FLRT3: variants seen among roughly 807,000 people sequenced by gnomAD.
FLRT3 encodes fibronectin leucine rich transmembrane protein 3.
In FLRT3, 17 loss-of-function variants were observed where a neutral mutation model predicts 42.6. The observed-to-expected ratio is 0.40, with a 90% CI of 0.27 to 0.60. The LOEUF (loss-of-function observed/expected upper bound fraction) is 0.60. FLRT3 is among the 20% of genes least tolerant of loss of function. The pLI, the probability that FLRT3 is intolerant of heterozygous loss-of-function variation, is 0.44. For synonymous variants in FLRT3, 279 were observed against 286.4 expected (o/e 0.97, Z 0.26); for missense variants, 635 against 789.2 (o/e 0.80, Z 2.34).
rs999687366 is a variant in FLRT3, at chr20:14,324,456, A to G, written c.*1101T>C. The G allele has an allele frequency of 1.3e-5, 2 of 152,614 alleles. No individual in the cohort carries two copies. The highest frequency in any genetic ancestry group is 2.9e-5 in the Non-Finnish European group (2 of 68,018). The allele number at this position is 152,614 out of a possible 1,614,324, so 9.5% of individuals were successfully genotyped here. ...GTATTCTTGATCTTTGTAAAAGTAA[A>G]TTGAACATTTATGTACAGTGTTAAA... On this transcript the variant is annotated 3_prime_UTR_variant, in exon 3 of 3. Coordinates refer to ENST00000341420, the MANE Select transcript of FLRT3 (RefSeq NM_198391.3).
Position 14,327,439 on chromosome 20 carries a change from G to C in FLRT3, c.68C>G (p.Pro23Arg), listed in dbSNP as rs761824251. The C allele has an allele frequency of 5.6e-6, 9 of 1,613,508 alleles. No individual in the cohort carries two copies. The highest frequency in any genetic ancestry group is 1.1e-5 in the South Asian group (1 of 91,072). The change falls in exon 3 of 3, where the codon CCT becomes CGT. Residue 23 changes from proline (P) to arginine (R), a missense_variant. By Grantham distance (103) the Pro-to-Arg change is moderately radical. Transcript: ENST00000341420. ...ACAGGATTTAGCCATAACTGATAGA[G>C]GTGCTACTTGAAGGAACAGCCCAAT... ...TKIGLFLQVAPLSVMAKSCPS... is the reference protein window; with the variant it reads ...TKIGLFLQVARLSVMAKSCPS...
At chr20:14,335,777 C>G (rs539569429) in intron 1 of FLRT3, among the ~76,000 whole-genome samples, 3 of 152,152 alleles carry the variant, frequency 2.0e-5, no homozygotes, top group Non-Finnish European at 4.4e-5. Context: ...TTGTGCTCTT[C>G]AAAAAATCAA....
At chr20:14,333,309 C>T (rs1033443888) in intron 1 of FLRT3, among the ~76,000 whole-genome samples, 1 of 152,144 alleles carries the variant, frequency 6.6e-6, no homozygotes, top group African/African-American at 2.4e-5. Context: ...ACGTTTCTGA[C>T]AAATGAATCA....
chr20:14,331,505 C>T (rs1031384261), intron 1 of FLRT3, among the ~76,000 whole-genome samples: 1 of 152,060 alleles, frequency 6.6e-6, no homozygotes, highest in Admixed American at 6.6e-5. Flanking sequence ...ATTCTCTTCT[C>T]CCCACATTGT....
At chr20:14,333,287 A>T (rs2082876583) in intron 1 of FLRT3, among the ~76,000 whole-genome samples, 1 of 152,050 alleles carries the variant, frequency 6.6e-6, no homozygotes, top group Admixed American at 6.6e-5. Flanking sequence ...GTTACTGGTT[A>T]TTTTCCCCGG....
At position 14,326,609 on chromosome 20, in the gene FLRT3, GT is replaced by G; in HGVS notation, c.897del (p.Gln299HisfsTer2). 6.2e-7 allele frequency: 1 copy of G among 1,613,856 alleles called. No homozygotes were observed. The highest frequency in any genetic ancestry group is 8.5e-7 in the Non-Finnish European group (1 of 1,179,846). On this transcript the variant is annotated frameshift_variant, in exon 3 of 3. Transcript: ENST00000341420. LOFTEE classifies it high-confidence loss of function. This position sits in a 1 kb window ranked among gnomAD's most constrained non-coding sequence, Gnocchi z 5.5. ...GIFDDLDNIT[Q>X]LILRNNPWYC... ...TACCAGGGATTGTTGCGAAGAATCA[GT>G]TGTGTTATATTGTCCAAATCATCAA...
chr20:14,330,542 A>G lies in FLRT3; in HGVS notation c.-246-1215T>C, dbSNP rs1035595669. ...TTTGTGTTTCTGGTTCTCTCCAAAAATTCAGTTTCTTTTAGTTTGCTAACT... is the reference window on the plus strand; with the variant it reads ...TTTGTGTTTCTGGTTCTCTCCAAAAGTTCAGTTTCTTTTAGTTTGCTAACT... On this transcript the variant is annotated intron_variant, in intron 1 of 2. Coordinates refer to ENST00000341420, the MANE Select transcript of FLRT3 (RefSeq NM_198391.3). Among the ~76,000 whole-genome samples, 9 of 152,122 alleles carry G rather than the reference A, an allele frequency of 5.9e-5. 1 individual carries two copies. The highest frequency in any genetic ancestry group is 1.9e-4 in the African/African-American group (8 of 41,452).
rs370263202 is a variant in FLRT3, at chr20:14,334,054, C to G, written c.-247+3350G>C. 1.6e-3 allele frequency among the ~76,000 whole-genome samples: 251 copies of G among 152,308 alleles called. 2 individuals carry two copies. Among genetic ancestry groups the G allele is most frequent in the African/African-American group, 5.9e-3 (245 of 41,570 alleles). On this transcript the variant is annotated intron_variant, in intron 1 of 2. Coordinates refer to ENST00000341420, the MANE Select transcript of FLRT3 (RefSeq NM_198391.3). ...TAATACCTGCAGAAAGCTTTTTATA[C>G]ATCCCTGACACTTGATTTTAGGGTA...
intron 1 of FLRT3, among the ~76,000 whole-genome samples, chr20:14,334,957 G>A (rs2082910998): frequency 6.6e-6 from 1 of 152,026 alleles, no homozygotes; most frequent in East Asian, 1.9e-4. Flanking sequence ...TGACTGAAAT[G>A]GCAACTATAA....
chr20:14,330,042 G>GA (rs941715446), intron 1 of FLRT3, among the ~76,000 whole-genome samples: 24 of 150,510 alleles, frequency 1.6e-4, no homozygotes, highest in South Asian at 8.4e-4. Context: ...TACTGAGTTT[G>GA]AAAAAAAAAT....
intron 1 of FLRT3, among the ~76,000 whole-genome samples, chr20:14,336,536 A>T (rs1489264239): frequency 6.6e-6 from 1 of 152,012 alleles, no homozygotes; most frequent in Non-Finnish European, 1.5e-5. Flanking sequence ...CCAATATAAG[A>T]TTTTCCTATT....
At position 14,325,997 on chromosome 20, in the gene FLRT3, G is replaced by A. The variant is rs765524589; in HGVS notation, c.1510C>T (p.Leu504Phe). 5 of 1,613,936 alleles carry A rather than the reference G, an allele frequency of 3.1e-6. No individual in the cohort carries two copies. In the East Asian group the frequency reaches 6.7e-5, roughly 22 times the overall value. The change falls in exon 3 of 3, where the codon CTT (leucine) becomes TTT (phenylalanine). Residue 504 changes from leucine (L) to phenylalanine (F), a missense_variant. Leu to Phe is a conservative substitution (Grantham distance 22). Coordinates refer to ENST00000341420, the MANE Select transcript of FLRT3 (RefSeq NM_198391.3). ...PVCIETETAP[L>F]RMYNPTTTLN... ...GTGGTTGTAGGGTTGTACATTCGAA[G>A]GGGTGCAGTTTCAGTCTCAATACAA...
Position 14,326,496 on chromosome 20 carries a change from T to A in FLRT3, c.1011A>T (p.Pro337=). 6.2e-7 allele frequency: 1 copy of A among 1,613,884 alleles called. No homozygotes were observed. Among genetic ancestry groups the A allele is most frequent in the South Asian group, 1.1e-5 (1 of 91,078 alleles). ...VNVRGLMCQA[P]EKVRGMAIKD... ...TAATAGCCATCCCACGAACCTTTTC[T>A]GGGGCTTGGCACATGAGCCCACGCA... The change falls in exon 3 of 3, where the codon CCA becomes CCT. Residue 337 remains proline (P), a synonymous_variant. Coordinates refer to ENST00000341420, the MANE Select transcript of FLRT3 (RefSeq NM_198391.3). The surrounding 1 kb of genome is among the most constrained non-coding windows in gnomAD (Gnocchi z 5.5).
chr20:14,325,501 C>A lies in FLRT3; in HGVS notation c.*56G>T. 6.5e-7 allele frequency: 1 copy of A among 1,533,462 alleles called. No homozygotes were observed. The highest frequency in any genetic ancestry group is 8.8e-7 in the Non-Finnish European group (1 of 1,140,654). The allele number at this position is 1,533,462 out of a possible 1,614,324, so 95.0% of individuals were successfully genotyped here. A position where few individuals can be genotyped will look rare whatever the true frequency, so the allele number is the denominator to read the frequency against. On this transcript the variant is annotated 3_prime_UTR_variant, in exon 3 of 3. Transcript: ENST00000341420. ...TGCAGTAGAACAGGGTTCCTACCAT[C>A]ACCTCCCTTAGGTTTAAAAAACCCA...
rs949781283 is a variant in FLRT3, at chr20:14,337,585, C to T, written c.-428G>A. ...GATCACTCCTACACTGAGGAGTGAG[C>T]GAGGGAGAGCATTCCAGTTTACTGC... On this transcript the variant is annotated 5_prime_UTR_variant, in exon 1 of 3. Transcript: ENST00000341420. The T allele has an allele frequency of 3.5e-5, 14 of 398,356 alleles. No homozygotes were observed. The highest frequency in any genetic ancestry group is 1.3e-4 in the South Asian group (1 of 7,864). The allele number at this position is 398,356 out of a possible 1,614,324, so 24.7% of individuals were successfully genotyped here.
rs2082712508 is a variant in FLRT3 at position 14,325,090 on chromosome 20, T to C, written c.*467A>G. 1 of 152,698 alleles carries C rather than the reference T, an allele frequency of 6.5e-6. No individual in the cohort carries two copies. Among genetic ancestry groups the C allele is most frequent in the Non-Finnish European group, 1.5e-5 (1 of 68,150 alleles). The allele number at this position is 152,698 out of a possible 1,614,324, so 9.5% of individuals were successfully genotyped here. A position where few individuals can be genotyped will look rare whatever the true frequency, so the allele number is the denominator to read the frequency against. On this transcript the variant is annotated 3_prime_UTR_variant, in exon 3 of 3. Coordinates refer to ENST00000341420, the MANE Select transcript of FLRT3 (RefSeq NM_198391.3). ...CATAACCATTTTTTAAAATTAAATT[T>C]TATCTCATTCAGCCATTCAGCCAGT...
At chr20:14,332,194 A>C (rs1392526095) in intron 1 of FLRT3, among the ~76,000 whole-genome samples, 1 of 152,094 alleles carries the variant, frequency 6.6e-6, no homozygotes, top group Non-Finnish European at 1.5e-5. Context: ...TTTACAAATA[A>C]AAATTGTGGG....
chr20:14,334,321 AT>A (rs1490487014), intron 1 of FLRT3, among the ~76,000 whole-genome samples: 1 of 152,070 alleles, frequency 6.6e-6, no homozygotes, highest in African/African-American at 2.4e-5. Flanking sequence ...GTGTATACCT[AT>A]TTTCTTAAGA....
chr20:14,334,350 G>A (rs2122630323), intron 1 of FLRT3, among the ~76,000 whole-genome samples: 1 of 152,308 alleles, frequency 6.6e-6, no homozygotes, highest in South Asian at 2.1e-4. Flanking sequence ...TGCTGTTTCA[G>A]AAGACCAACT....
Sources: gnomAD v4.1 joint callset for allele counts (sites outside exome capture counted in the v4.1 genomes callset) on GRCh38, gnomAD v4.1.1 for gene constraint, Gnocchi (gnomAD v3.1) non-coding constraint, MANE v1.5 for transcripts, NCBI Gene and HGNC (gene_info 2026-07-23, HGNC 2026-07-21) for gene names.